Variants in DPYD observed in about 807,000 individuals in gnomAD.
DPYD encodes dihydropyrimidine dehydrogenase.
DPYD carries 109 observed loss-of-function variants against 116.2 expected under a neutral mutation model. That is an observed-to-expected ratio of 0.94 (90% CI 0.80 to 1.10). DPYD has a LOEUF of 1.10. Ranked by LOEUF, DPYD falls within the 50% of genes least tolerant of loss-of-function variation. The pLI, the probability that DPYD is intolerant of heterozygous loss-of-function variation, is 0.00. For synonymous variants in DPYD, 440 were observed against 432.0 expected (o/e 1.02, Z -0.23); for missense variants, 1,302 against 1,254.5 (o/e 1.04, Z -0.57).
At chr1:97,293,877 G>A (rs1253536053) in intron 18 of DPYD, among the ~76,000 whole-genome samples, 1 of 142,128 alleles carries the variant, frequency 7.0e-6, no homozygotes, top group Non-Finnish European at 1.6e-5. Flanking sequence ...GAACCCGGGA[G>A]GTGGAGGTTG....
chr1:97,537,412 C>A (rs1347771797), intron 12 of DPYD, among the ~76,000 whole-genome samples: 2 of 152,144 alleles, frequency 1.3e-5, no homozygotes, highest in African/African-American at 4.8e-5. Flanking sequence ...TATAAACAAG[C>A]CTTTTTTCCT....
chr1:97,304,224 G>C (rs1323832676), intron 18 of DPYD, among the ~76,000 whole-genome samples: 1 of 151,960 alleles, frequency 6.6e-6, no homozygotes, highest in African/African-American at 2.4e-5. Flanking sequence ...GGAGTCTCTT[G>C]ACTCTCTTTC....
chr1:97,524,331 CTCAGATTATCTATTAG>C, intron 12 of DPYD, among the ~76,000 whole-genome samples: 1 of 152,112 alleles, frequency 6.6e-6, no homozygotes, highest in Non-Finnish European at 1.5e-5. Context: ...TTGGATATGA[CTCAGATTATCTATTAG>C]TCATGCCATG....
At position 97,301,182 on chromosome 1, in the gene DPYD, G is replaced by A. The variant is rs138046287; in HGVS notation, c.2299+4077C>T. 3.9e-5 allele frequency among the ~76,000 whole-genome samples: 6 copies of A among 152,126 alleles called. No individual in the cohort carries two copies. The East Asian group carries it at 1.2e-3, about 29-fold the overall frequency. ...CTGGATTCTGTAATAACCTCTATGA[G>A]AGGAGTAACTTTGAGCTGAAACAGA... On this transcript the variant is annotated intron_variant, in intron 18 of 22. Coordinates refer to ENST00000370192, the MANE Select transcript of DPYD (RefSeq NM_000110.4).
intron 1 of DPYD, among the ~76,000 whole-genome samples, chr1:97,886,842 G>A (rs1247734210): frequency 1.3e-5 from 2 of 152,048 alleles, no homozygotes; most frequent in East Asian, 2.0e-4. Flanking sequence ...GGGAAACCCA[G>A]GGAAAGAAAC....
intron 5 of DPYD, among the ~76,000 whole-genome samples, chr1:97,714,436 T>A (rs1168594506): frequency 1.3e-5 from 2 of 151,702 alleles, no homozygotes; most frequent in Non-Finnish European, 2.9e-5. Context: ...ATGGTCTTGA[T>A]TTGACCTTGT....
chr1:97,279,746 G>A (rs1397639903), intron 18 of DPYD, among the ~76,000 whole-genome samples: 1 of 152,164 alleles, frequency 6.6e-6, no homozygotes, highest in Non-Finnish European at 1.5e-5. Flanking sequence ...CTCACCTTAG[G>A]TGATCCGCCC....
chr1:97,764,260 GCATAGTTAGATC>G (rs1455305468), intron 3 of DPYD, among the ~76,000 whole-genome samples: 1 of 151,948 alleles, frequency 6.6e-6, no homozygotes, highest in Non-Finnish European at 1.5e-5. Flanking sequence ...AATTATAAAT[GCATAGTTAGATC>G]CATAAAATTC....
chr1:97,482,583 G>A (rs866675105), intron 13 of DPYD, among the ~76,000 whole-genome samples: 1 of 152,264 alleles, frequency 6.6e-6, no homozygotes. Flanking sequence ...GATACATCCA[G>A]GCCAGTTTCA....
chr1:97,258,410 C>T (rs71656176), intron 18 of DPYD, among the ~76,000 whole-genome samples: 2,043 of 152,268 alleles, frequency 0.013, 20 homozygotes, highest in South Asian at 0.023. Flanking sequence ...TTAGGCTGCT[C>T]CCGCCTTCCA....
Position 97,721,672 on chromosome 1 carries a change from C to CTGCAAAATTAA in DPYD, c.322-12_322-2dup, listed in dbSNP as rs1458083325. ...TCATCTTAGCAGCTCCATAATAGTT[C>CTGCAAAATTAA]TGCAAAATTAATACAAAATAAAATT... On this transcript the variant is annotated splice_acceptor_variant, in intron 4 of 22. Coordinates refer to ENST00000370192, the MANE Select transcript of DPYD (RefSeq NM_000110.4). LOFTEE classifies it high-confidence loss of function. The CTGCAAAATTAA allele has an allele frequency of 1.2e-6, 2 of 1,610,530 alleles. No homozygotes were observed. The highest frequency in any genetic ancestry group is 1.7e-6 in the Non-Finnish European group (2 of 1,177,736).
intron 3 of DPYD, among the ~76,000 whole-genome samples, chr1:97,756,482 T>A (rs1311021871): frequency 1.3e-5 from 2 of 152,168 alleles, no homozygotes; most frequent in African/African-American, 4.8e-5. Flanking sequence ...TTCCATATGA[T>A]GAGACAACAC....
At chr1:97,454,536 C>T (rs755592654) in intron 13 of DPYD, among the ~76,000 whole-genome samples, 1 of 151,704 alleles carries the variant, frequency 6.6e-6, no homozygotes, top group Non-Finnish European at 1.5e-5. Context: ...AGTGCATTAA[C>T]GATATTCAGA....
chr1:97,792,093 A>G (rs944280856), intron 3 of DPYD, among the ~76,000 whole-genome samples: 1 of 152,180 alleles, frequency 6.6e-6, no homozygotes, highest in Non-Finnish European at 1.5e-5. Flanking sequence ...ATGCATAGTC[A>G]TAATGCAGTA....
Position 97,333,543 on chromosome 1 carries a change from T to G in DPYD, c.2059-27246A>C, listed in dbSNP as rs1191551175. Among the ~76,000 whole-genome samples, 3 of 122,976 alleles carry G rather than the reference T, an allele frequency of 2.4e-5. No individual in the cohort carries two copies. In the Admixed American group the frequency reaches 2.8e-4, roughly 12 times the overall value. 80.7% of individuals were successfully genotyped at this position (122,976 alleles called of 152,430 possible). ...TTTTTTTTTTTTTTTTTTTTTGAGA[T>G]GGAGTCTCACACTGTCGTACAGGCT... On this transcript the variant is annotated intron_variant, in intron 16 of 22. Transcript: ENST00000370192.
chr1:97,155,160 T>C (rs1655344438), intron 20 of DPYD, among the ~76,000 whole-genome samples: 1 of 152,216 alleles, frequency 6.6e-6, no homozygotes, highest in African/African-American at 2.4e-5. Context: ...TTGGGCTTGC[T>C]GCTATTAAAT....
chr1:97,384,849 G>A (rs1186493250), intron 14 of DPYD, among the ~76,000 whole-genome samples: 1 of 152,034 alleles, frequency 6.6e-6, no homozygotes, highest in Non-Finnish European at 1.5e-5. Flanking sequence ...AGAAGAAACA[G>A]CAATTTTGAA....
At chr1:97,161,077 T>C (rs1216768575) in intron 20 of DPYD, among the ~76,000 whole-genome samples, 3 of 152,142 alleles carry the variant, frequency 2.0e-5, no homozygotes, top group Non-Finnish European at 4.4e-5. Context: ...ATATCTTGAA[T>C]TGGCTGATTT....
chr1:97,760,921 G>C (rs977371735), intron 3 of DPYD, among the ~76,000 whole-genome samples: 1 of 152,066 alleles, frequency 6.6e-6, no homozygotes, highest in Non-Finnish European at 1.5e-5. Context: ...TCCCATGCAA[G>C]GGGTTAGAAC....
Sources: gnomAD v4.1 joint callset for allele counts (sites outside exome capture counted in the v4.1 genomes callset) on GRCh38, gnomAD v4.1.1 for gene constraint, MANE v1.5 for transcripts, NCBI Gene and HGNC (gene_info 2026-07-23, HGNC 2026-07-21) for gene names.